TBC1D4: variants seen among roughly 807,000 people sequenced by gnomAD.
TBC1D4 encodes the protein TBC (Tre-2, BUB2, CDC16) domain-containing protein.
TBC1D4 carries 121 observed loss-of-function variants against 142.5 expected under a neutral mutation model. The observed-to-expected ratio is 0.85, with a 90% CI of 0.73 to 0.99. TBC1D4 has a LOEUF of 0.99. TBC1D4 is among the 50% of genes least tolerant of loss of function. TBC1D4 has a pLI of 0.00. For synonymous variants in TBC1D4, 630 were observed against 628.2 expected (o/e 1.00, Z -0.04); for missense variants, 1,475 against 1,606.6 (o/e 0.92, Z 1.40).
chr13:75,464,555 T>G (rs149474029), intron 1 of TBC1D4, among the ~76,000 whole-genome samples: 9,829 of 152,298 alleles, frequency 0.065, 357 homozygotes, highest in Admixed American at 0.11. Flanking sequence ...TGTTCAGGGC[T>G]CTCAGCTCTG....
intron 1 of TBC1D4, among the ~76,000 whole-genome samples, chr13:75,379,864 A>G (rs1883715453): frequency 7.2e-6 from 1 of 139,858 alleles, no homozygotes. Context: ...GTGTTGAAGT[A>G]TATCAGTTTT....
In TBC1D4 at chr13:75,287,544, C is replaced by G. The variant is rs75674559; in HGVS notation, c.3664-519G>C. ...GAATCATTATAAAACAGGTACAAACCCACCTTCCCTAATAAGGGGCAAATA... is the reference window on the plus strand; with the variant it reads ...GAATCATTATAAAACAGGTACAAACGCACCTTCCCTAATAAGGGGCAAATA... On this transcript the variant is annotated intron_variant, in intron 20 of 20. Coordinates refer to ENST00000377636, the MANE Select transcript of TBC1D4 (RefSeq NM_014832.5). 4.4e-4 allele frequency among the ~76,000 whole-genome samples: 67 copies of G among 152,270 alleles called. 5 individuals carry two copies. The East Asian group carries it at 0.013, about 29-fold the overall frequency.
intron 1 of TBC1D4, among the ~76,000 whole-genome samples, chr13:75,370,270 C>A (rs1334994720): frequency 1.3e-5 from 2 of 152,152 alleles, no homozygotes; most frequent in Admixed American, 1.3e-4. Context: ...CGTGGGAGAT[C>A]TAAATCCTGC....
At chr13:75,391,413 C>T (rs775629155) in intron 1 of TBC1D4, among the ~76,000 whole-genome samples, 68 of 152,188 alleles carry the variant, frequency 4.5e-4, no homozygotes, top group Non-Finnish European at 6.5e-4. Flanking sequence ...GCCACCCCAG[C>T]AAAGCAGCCG....
chr13:75,464,593 T>C (rs1888095082), intron 1 of TBC1D4, among the ~76,000 whole-genome samples: 2 of 152,250 alleles, frequency 1.3e-5, no homozygotes, highest in African/African-American at 4.8e-5. Flanking sequence ...GATTTCCCAC[T>C]CCACACTCTG....
intron 1 of TBC1D4, among the ~76,000 whole-genome samples, chr13:75,439,065 T>TA (rs766979351): frequency 6.6e-6 from 1 of 152,310 alleles, no homozygotes; most frequent in Non-Finnish European, 1.5e-5. Flanking sequence ...ACATCACTAT[T>TA]AATGCTTCCC....
intron 5 of TBC1D4, among the ~76,000 whole-genome samples, chr13:75,347,157 AAACGTATTACAT>A (rs377463521): frequency 2.2e-3 from 331 of 152,350 alleles, no homozygotes; most frequent in African/African-American, 7.4e-3. Context: ...AGTATTACAC[AAACGTATTACAT>A]AACCATACAA....
At chr13:75,424,147 C>T (rs146356582) in intron 1 of TBC1D4, among the ~76,000 whole-genome samples, 118 of 152,040 alleles carry the variant, frequency 7.8e-4, no homozygotes, top group African/African-American at 2.6e-3. Flanking sequence ...ATGGTGTATG[C>T]TGGTAGTCCC....
intron 1 of TBC1D4, among the ~76,000 whole-genome samples, chr13:75,436,907 G>A (rs1886824283): frequency 6.6e-6 from 1 of 152,054 alleles, no homozygotes; most frequent in African/African-American, 2.4e-5. Context: ...CATGCCTCCT[G>A]GTAAAATGCA....
chr13:75,470,819 C>A (rs114284152), intron 1 of TBC1D4, among the ~76,000 whole-genome samples: 1,529 of 152,082 alleles, frequency 0.01, 29 homozygotes, highest in African/African-American at 0.034. Context: ...AACCTCGTTT[C>A]TACCAAAAAA....
chr13:75,440,489 A>G (rs1886991444), intron 1 of TBC1D4, among the ~76,000 whole-genome samples: 1 of 152,130 alleles, frequency 6.6e-6, no homozygotes, highest in African/African-American at 2.4e-5. Context: ...GAAGGAATAC[A>G]TATTGAAGAG....
chr13:75,356,281 A>T (rs756943199), intron 3 of TBC1D4, 30 bp from the exon 4 acceptor site: 1 of 1,420,264 alleles, frequency 7.0e-7, no homozygotes, highest in East Asian at 2.3e-5. Flanking sequence ...TGCAATAAAA[A>T]TGTATGGGAA....
rs569759016 is a variant in TBC1D4 at position 75,292,287 on chromosome 13, T to C, written c.3317-16A>G. ...AAAATAATATCTAAAAGAAGAGATA[T>C]AATTTTCATGATCAAAACTATGCAT... On this transcript the variant is annotated splice_polypyrimidine_tract_variant and intron_variant, in intron 18 of 20. Transcript: ENST00000377636. 1 of 1,601,788 alleles carries C rather than the reference T, an allele frequency of 6.2e-7. No homozygotes were observed. Among genetic ancestry groups the C allele is most frequent in the African/African-American group, 1.3e-5 (1 of 74,754 alleles).
chr13:75,288,373 A>T (rs1165007444), intron 20 of TBC1D4, among the ~76,000 whole-genome samples: 1 of 152,142 alleles, frequency 6.6e-6, no homozygotes, highest in Non-Finnish European at 1.5e-5. Flanking sequence ...AAAAACTTTG[A>T]GAGATTTCCC....
intron 1 of TBC1D4, among the ~76,000 whole-genome samples, chr13:75,445,657 G>GA (rs1887251959): frequency 6.6e-6 from 1 of 152,060 alleles, no homozygotes; most frequent in South Asian, 2.1e-4. Flanking sequence ...TAAAAGGAAA[G>GA]AAAAAAATTC....
intron 6 of TBC1D4, 56 bp from the exon 7 acceptor site, chr13:75,341,291 T>C (rs1593757501): frequency 1.3e-6 from 2 of 1,517,382 alleles, no homozygotes; most frequent in Non-Finnish European, 9.2e-7. Context: ...CCTCCTTTTA[T>C]TCTGTCGGGC....
chr13:75,427,105 T>C (rs1051931017), intron 1 of TBC1D4, among the ~76,000 whole-genome samples: 3 of 151,954 alleles, frequency 2.0e-5, no homozygotes, highest in Non-Finnish European at 2.9e-5. Context: ...TTTTTTTTTT[T>C]TGAGACGGAG....
chr13:75,303,294 G>A (rs1287241464), intron 15 of TBC1D4, among the ~76,000 whole-genome samples: 1 of 152,034 alleles, frequency 6.6e-6, no homozygotes, highest in East Asian at 1.9e-4. Context: ...TCCAGCCTGG[G>A]AGACACAGCG....
chr13:75,397,405 G>A (rs1331648771), intron 1 of TBC1D4, among the ~76,000 whole-genome samples: 1 of 152,086 alleles, frequency 6.6e-6, no homozygotes, highest in East Asian at 1.9e-4. Context: ...TGGAAGCAGA[G>A]GAAAAGAGAA....
Sources: allele counts gnomAD v4.1 joint callset (sites outside exome capture counted in the v4.1 genomes callset), GRCh38; gene constraint gnomAD v4.1.1; transcripts MANE v1.5; gene names NCBI Gene and HGNC (gene_info 2026-07-23, HGNC 2026-07-21).